Variants in MRPL50 observed in about 807,000 individuals in gnomAD.
The protein encoded by MRPL50 is large ribosomal subunit protein mL50.
MRPL50 carries 10 observed loss-of-function variants against 16.2 expected under a neutral mutation model. The observed-to-expected ratio is 0.62, with a 90% confidence interval of 0.38 to 1.05. The LOEUF is 1.05. MRPL50 is among the 50% of genes least tolerant of loss of function. The pLI, the probability that MRPL50 is intolerant of heterozygous loss-of-function variation, is 0.01. For synonymous variants in MRPL50, 68 were observed against 66.8 expected, an observed-to-expected ratio of 1.02 and a Z score of -0.09; for missense variants, 213 against 187.1, an observed-to-expected ratio of 1.14 and a Z score of -0.81.
At chr9:101,392,883 T>C (rs2118133835) in intron 1 of MRPL50, among the ~76,000 whole-genome samples, 1 of 151,772 alleles carries the variant, frequency 6.6e-6, no homozygotes, top group Middle Eastern at 3.4e-3. Flanking sequence ...GATACCAAAA[T>C]CAGACAAAGA....
intron 1 of MRPL50, 42 bp from the exon 2 acceptor site, chr9:101,390,892 T>G (rs536004059): frequency 6.5e-7 from 1 of 1,540,570 alleles, no homozygotes; most frequent in South Asian, 1.3e-5. Context: ...ATTAATGAAG[T>G]TGACAAACAC....
Position 101,397,971 on chromosome 9 carries a change from G to C in MRPL50, c.92+530C>G, listed in dbSNP as rs1028433720. 8.5e-5 allele frequency among the ~76,000 whole-genome samples: 13 copies of C among 152,176 alleles called. 1 individual carries two copies. The highest frequency in any genetic ancestry group is 6.2e-4 in the South Asian group (3 of 4,832). On this transcript the variant is annotated intron_variant, in intron 1 of 1. Transcript: ENST00000374865. Reference sequence around the variant, plus strand: ...TGGGAAAATCACTTCCCTCCTGTGGGCCTGTTTCCTCATATGTTGGAGTAC... The same window carrying C: ...TGGGAAAATCACTTCCCTCCTGTGGCCCTGTTTCCTCATATGTTGGAGTAC...
At position 101,390,268 on chromosome 9, in the gene MRPL50, A is replaced by T; in HGVS notation, c.*198T>A. On this transcript the variant is annotated 3_prime_UTR_variant, in exon 2 of 2. Transcript: ENST00000374865. ...ATTTCATTTAAAAAATGGTTTCAGC[A>T]AATATGAAAATAGAAAGTCCGTTAT... 7.8e-7 allele frequency: 1 copy of T among 1,276,778 alleles called. No homozygotes were observed. Among genetic ancestry groups the T allele is most frequent in the Non-Finnish European group, 9.9e-7 (1 of 1,012,448 alleles). 79.1% of individuals were successfully genotyped at this position (1,276,778 alleles called of 1,614,324 possible).
At position 101,393,113 on chromosome 9, in the gene MRPL50, A is replaced by T. The variant is rs372812173; in HGVS notation, c.93-2263T>A. On this transcript the variant is annotated intron_variant, in intron 1 of 1. Transcript: ENST00000374865. Reference sequence around the variant, plus strand: ...AATCAAGAACAAGAATCATGTGATCATTTCAATAGATGCTGAAAAAGCATT... The same window carrying T: ...AATCAAGAACAAGAATCATGTGATCTTTTCAATAGATGCTGAAAAAGCATT... Among the ~76,000 whole-genome samples the T allele has an allele frequency of 2.7e-4, 41 of 152,320 alleles. No homozygotes were observed. In the South Asian group the frequency reaches 7.7e-3, roughly 28 times the overall value.
At chr9:101,396,856 C>T (rs916934630) in intron 1 of MRPL50, among the ~76,000 whole-genome samples, 11 of 151,944 alleles carry the variant, frequency 7.2e-5, no homozygotes, top group Non-Finnish European at 1.3e-4. Flanking sequence ...GCAGGAGAAT[C>T]GCTTGAACCT....
intron 1 of MRPL50, among the ~76,000 whole-genome samples, chr9:101,394,613 C>T (rs1023001932): frequency 6.6e-6 from 1 of 152,174 alleles, no homozygotes; most frequent in African/African-American, 2.4e-5. Flanking sequence ...TACTCTTTCT[C>T]CATTGCAATT....
chr9:101,391,208 C>T (rs1279071832), intron 1 of MRPL50, among the ~76,000 whole-genome samples: 1 of 152,068 alleles, frequency 6.6e-6, no homozygotes, highest in East Asian at 1.9e-4. Flanking sequence ...TACTCTATAT[C>T]CTGTGTCCCA....
intron 1 of MRPL50, among the ~76,000 whole-genome samples, chr9:101,398,107 G>A (rs1207777062): frequency 6.6e-6 from 1 of 152,202 alleles, no homozygotes; most frequent in Non-Finnish European, 1.5e-5. Context: ...ACAAAAGGAG[G>A]AGGCAGTACT....
chr9:101,397,356 T>C (rs957238111), intron 1 of MRPL50, among the ~76,000 whole-genome samples: 4 of 152,178 alleles, frequency 2.6e-5, no homozygotes, highest in Non-Finnish European at 5.9e-5. Context: ...TCTTGACTAA[T>C]AATCAACATC....
Position 101,390,622 on chromosome 9 carries a change from G to A in MRPL50, c.321C>T (p.Asp107=), listed in dbSNP as rs763916831. The stretch of plus-strand genomic sequence containing the variant: ...TGGAGTTAGGGACTACATGACCCAA[G>A]TCATCAGCTAAATGAGCCAGAAGAT... ...KFNLLAHLAD[D]LGHVVPNSRL... is the part of the protein sequence containing the mutation. Residue 107 remains aspartate (D), a synonymous_variant, in exon 2 of 2, where the codon GAC becomes GAT. Transcript: ENST00000374865. The A allele has an allele frequency of 1.2e-6, 2 of 1,613,136 alleles. No individual in the cohort carries two copies. Among genetic ancestry groups the A allele is most frequent in the Non-Finnish European group, 1.7e-6 (2 of 1,179,410 alleles).
In MRPL50 at chr9:101,387,816, T is replaced by A. The variant is rs1830221189; in HGVS notation, c.*2650A>T. 1 of 151,994 alleles carries A rather than the reference T, an allele frequency of 6.6e-6. No homozygotes were observed. The highest frequency in any genetic ancestry group is 1.5e-5 in the Non-Finnish European group (1 of 67,974). The allele number at this position is 151,994 out of a possible 1,614,324, so 9.4% of individuals were successfully genotyped here. The stretch of plus-strand genomic sequence containing the variant: ...CCCTTTTTATGTAGCAATCATTAAA[T>A]TTTTAAAAATGTAAACCCTTTAAAA... On this transcript the variant is annotated 3_prime_UTR_variant, in exon 2 of 2. Coordinates refer to ENST00000374865, the MANE Select transcript of MRPL50 (RefSeq NM_019051.3).
chr9:101,388,818 G>A lies in MRPL50; in HGVS notation c.*1648C>T, dbSNP rs969315629. ...AAAAAAAGATGACTGCATCTGTACTGAATATGTATACTTTTTTTCCTTCTC... is the reference window on the plus strand; with the variant it reads ...AAAAAAAGATGACTGCATCTGTACTAAATATGTATACTTTTTTTCCTTCTC... On this transcript the variant is annotated 3_prime_UTR_variant, in exon 2 of 2. Transcript: ENST00000374865. 6.6e-6 allele frequency: 1 copy of A among 152,120 alleles called. No homozygotes were observed. Among genetic ancestry groups the A allele is most frequent in the African/African-American group, 2.4e-5 (1 of 41,426 alleles). 9.4% of individuals were successfully genotyped at this position (152,120 alleles called of 1,614,324 possible). A position where few individuals can be genotyped will look rare whatever the true frequency, so the allele number is the denominator to read the frequency against.
chr9:101,387,903 A>T lies in MRPL50; in HGVS notation c.*2563T>A, dbSNP rs1830221967. On this transcript the variant is annotated 3_prime_UTR_variant, in exon 2 of 2. Transcript: ENST00000374865. ...AGCAAGCCTAATTTAATCTTTCAGGAAAACTAAAGGCCATTATTCTGATAT... is the reference window on the plus strand; with the variant it reads ...AGCAAGCCTAATTTAATCTTTCAGGTAAACTAAAGGCCATTATTCTGATAT... 6.6e-6 allele frequency: 1 copy of T among 152,168 alleles called. No homozygotes were observed. Among genetic ancestry groups the T allele is most frequent in the Non-Finnish European group, 1.5e-5 (1 of 68,012 alleles). 9.4% of individuals were successfully genotyped at this position (152,168 alleles called of 1,614,324 possible).
Position 101,388,843 on chromosome 9 carries a change from CA to C in MRPL50, c.*1622del, listed in dbSNP as rs1320015490. On this transcript the variant is annotated 3_prime_UTR_variant, in exon 2 of 2. Coordinates refer to ENST00000374865, the MANE Select transcript of MRPL50 (RefSeq NM_019051.3). Reference sequence around the variant, plus strand: ...GAATATGTATACTTTTTTTCCTTCTCATTATTCCCTAATCAGCATAACAACT... The same window carrying C: ...GAATATGTATACTTTTTTTCCTTCTCTTATTCCCTAATCAGCATAACAACT... 4.6e-5 allele frequency: 7 copies of C among 152,080 alleles called. No individual in the cohort carries two copies. The highest frequency in any genetic ancestry group is 1.7e-4 in the African/African-American group (7 of 41,434). The allele number at this position is 152,080 out of a possible 1,614,324, so 9.4% of individuals were successfully genotyped here.
intron 1 of MRPL50, 65 bp from the exon 2 acceptor site, chr9:101,390,915 T>C (rs1830263242): frequency 1.3e-6 from 2 of 1,500,552 alleles, no homozygotes; most frequent in Admixed American, 4.4e-5. Flanking sequence ...GACCAAATCT[T>C]GCCTACCAAT....
At position 101,390,857 on chromosome 9, in the gene MRPL50, T is replaced by C. The variant is rs371848287; in HGVS notation, c.93-7A>G. On this transcript the variant is annotated splice_polypyrimidine_tract_variant and splice_region_variant and intron_variant, in intron 1 of 1. Coordinates refer to ENST00000374865, the MANE Select transcript of MRPL50 (RefSeq NM_019051.3). ...CACTGGCTCTTTCTCTTTTCTGGAA[T>C]GATCAAAAACAAACAGACAAATCCA... The C allele has an allele frequency of 1.3e-5, 20 of 1,575,384 alleles. No individual in the cohort carries two copies. In the African/African-American group the frequency reaches 2.8e-4, roughly 22 times the overall value.
intron 1 of MRPL50, among the ~76,000 whole-genome samples, chr9:101,396,604 CCAGA>C (rs1258103632): frequency 6.6e-6 from 1 of 152,018 alleles, no homozygotes; most frequent in Non-Finnish European, 1.5e-5. Flanking sequence ...GAGAAATAAG[CCAGA>C]CAGAGTAATA....
Position 101,388,814 on chromosome 9 carries a change from T to C in MRPL50, c.*1652A>G, listed in dbSNP as rs567318251. ...GGGGAAAAAAAGATGACTGCATCTG[T>C]ACTGAATATGTATACTTTTTTTCCT... On this transcript the variant is annotated 3_prime_UTR_variant, in exon 2 of 2. Coordinates refer to ENST00000374865, the MANE Select transcript of MRPL50 (RefSeq NM_019051.3). 1 of 152,302 alleles carries C rather than the reference T, an allele frequency of 6.6e-6. No individual in the cohort carries two copies. The highest frequency in any genetic ancestry group is 2.4e-5 in the African/African-American group (1 of 41,574). The allele number at this position is 152,302 out of a possible 1,614,324, so 9.4% of individuals were successfully genotyped here.
Position 101,398,602 on chromosome 9 carries a change from G to A in MRPL50, c.-10C>T, listed in dbSNP as rs745857110. 6 of 1,612,844 alleles carry A rather than the reference G, an allele frequency of 3.7e-6. No homozygotes were observed. Among genetic ancestry groups the A allele is most frequent in the African/African-American group, 2.7e-5 (2 of 74,932 alleles). ...CAGATCGCGCCGCCATCTTCGATGA[G>A]ATCCACGGGCCTGAGCGCAGCCTTC... is the stretch of plus-strand genomic sequence containing the variant. On this transcript the variant is annotated 5_prime_UTR_variant, in exon 1 of 2. Coordinates refer to ENST00000374865, the MANE Select transcript of MRPL50 (RefSeq NM_019051.3).
Sources: gnomAD v4.1 joint callset for allele counts (sites outside exome capture counted in the v4.1 genomes callset) on GRCh38, gnomAD v4.1.1 for gene constraint, MANE v1.5 for transcripts, NCBI Gene and HGNC (gene_info 2026-07-23, HGNC 2026-07-21) for gene names.